FOXO3: variants seen among roughly 807,000 people sequenced by gnomAD.
FOXO3 encodes forkhead box O3.
In FOXO3, 4 loss-of-function variants were observed where a neutral mutation model predicts 41.9. The ratio of observed to expected loss-of-function variants is 0.10; its 90% CI spans 0.05 to 0.22. FOXO3 has a LOEUF of 0.22. Ranked by LOEUF, FOXO3 falls within the 10% of genes least tolerant of loss-of-function variation. The pLI, the probability that FOXO3 is intolerant of heterozygous loss-of-function variation, is 1.00. For missense variants in FOXO3, 534 were observed against 906.8 expected (o/e 0.59, Z 5.28); for synonymous variants, 318 against 389.3 (o/e 0.82, Z 2.16).
chr6:108,683,924 G>A lies in FOXO3; in HGVS notation c.*4132G>A, dbSNP rs538378999. 5.9e-5 allele frequency: 9 copies of A among 152,716 alleles called. No individual in the cohort carries two copies. In the South Asian group the frequency reaches 1.7e-3, roughly 28 times the overall value. 9.5% of individuals were successfully genotyped at this position (152,716 alleles called of 1,614,324 possible). On this transcript the variant is annotated 3_prime_UTR_variant, in exon 3 of 3. Transcript: ENST00000406360. ...GTACTACTAGAGGAAGTGAAGTTCTGATGGAATCATGCCTGTCAAATGAGG... is the reference window on the plus strand; with the variant it reads ...GTACTACTAGAGGAAGTGAAGTTCTAATGGAATCATGCCTGTCAAATGAGG...
chr6:108,668,802 T>C (rs1366291593), intron 2 of FOXO3, among the ~76,000 whole-genome samples: 2 of 152,198 alleles, frequency 1.3e-5, no homozygotes, highest in African/African-American at 4.8e-5. Flanking sequence ...GACAGCCTCA[T>C]CAAGTTTTAA....
chr6:108,666,828 C>T (rs910387659), intron 2 of FOXO3, among the ~76,000 whole-genome samples: 8 of 152,160 alleles, frequency 5.3e-5, no homozygotes, highest in Admixed American at 5.2e-4. Context: ...GATCTTCTAC[C>T]AACAGGTTTG....
chr6:108,560,839 T>G, upstream of FOXO3: 14 of 524,034 alleles, frequency 2.7e-5, no homozygotes, highest in South Asian at 7.5e-5. Flanking sequence ...GACCTGCGGC[T>G]GGGCGGCGGG....
intron 1 of FOXO3, among the ~76,000 whole-genome samples, chr6:108,610,850 A>G (rs762100361): frequency 9.2e-5 from 14 of 152,214 alleles, no homozygotes; most frequent in Non-Finnish European, 1.9e-4. Flanking sequence ...TACCTGTGGA[A>G]AACAATCGTA....
intron 1 of FOXO3, among the ~76,000 whole-genome samples, chr6:108,565,339 A>G (rs1775923022): frequency 6.6e-6 from 1 of 152,228 alleles, no homozygotes; most frequent in Admixed American, 6.5e-5. Context: ...CTCGGGCATT[A>G]AAGTAGAAAT....
intron 1 of FOXO3, among the ~76,000 whole-genome samples, chr6:108,562,782 G>A (rs972973231): frequency 4.6e-5 from 7 of 152,172 alleles, no homozygotes; most frequent in Admixed American, 1.3e-4. Flanking sequence ...GTGTGGAAAG[G>A]CCTATGATGT....
At chr6:108,580,403 A>G (rs1476821700) in intron 1 of FOXO3, among the ~76,000 whole-genome samples, 2 of 151,990 alleles carry the variant, frequency 1.3e-5, no homozygotes, top group Non-Finnish European at 2.9e-5. Flanking sequence ...GTGTTTACAC[A>G]TTTCAAACTC....
intron 1 of FOXO3, among the ~76,000 whole-genome samples, chr6:108,577,362 A>G (rs1776290457): frequency 6.6e-6 from 1 of 152,166 alleles, no homozygotes; most frequent in Admixed American, 6.5e-5. Context: ...TCAGCTTTAC[A>G]GAATCTAACA....
chr6:108,634,526 A>G (rs1194976643), intron 1 of FOXO3, among the ~76,000 whole-genome samples: 1 of 152,086 alleles, frequency 6.6e-6, no homozygotes, highest in East Asian at 1.9e-4. Context: ...TTTGAGCCAT[A>G]ATATCTAGGG....
intron 1 of FOXO3, among the ~76,000 whole-genome samples, chr6:108,655,716 G>T (rs1414847319): frequency 1.3e-5 from 2 of 152,060 alleles, no homozygotes; most frequent in African/African-American, 4.8e-5. Context: ...ATTATACACC[G>T]AAGGCGCCCA....
At chr6:108,565,319 G>A (rs145800061) in intron 1 of FOXO3, among the ~76,000 whole-genome samples, 65 of 152,304 alleles carry the variant, frequency 4.3e-4, no homozygotes, top group African/African-American at 1.5e-3. Flanking sequence ...TATCTCACAG[G>A]TTCCCTTACC....
chr6:108,642,711 G>A (rs1778292370), intron 1 of FOXO3, among the ~76,000 whole-genome samples: 1 of 152,140 alleles, frequency 6.6e-6, no homozygotes, highest in Non-Finnish European at 1.5e-5. Flanking sequence ...AACGACAGGA[G>A]ATTTTGAAAA....
chr6:108,607,447 CAAAAA>C (rs36097684), intron 1 of FOXO3, among the ~76,000 whole-genome samples: 1 of 87,230 alleles, frequency 1.1e-5, no homozygotes. Context: ...GAGACTATCT[CAAAAA>C]AAAAAAAAAA....
rs140023913 is a variant in FOXO3 at position 108,636,047 on chromosome 6, C to T, written c.622-27408C>T. Reference sequence around the variant, plus strand: ...CGGGATTAAGCTTGTCACTCCTCAGCTAGGGAAGCAAGCCCTCCATCTGGG... The same window carrying T: ...CGGGATTAAGCTTGTCACTCCTCAGTTAGGGAAGCAAGCCCTCCATCTGGG... On this transcript the variant is annotated intron_variant, in intron 1 of 2. Coordinates refer to ENST00000406360, the MANE Select transcript of FOXO3 (RefSeq NM_001455.4). 8.7e-4 allele frequency among the ~76,000 whole-genome samples: 132 copies of T among 152,354 alleles called. 1 individual carries two copies. The South Asian group carries it at 8.7e-3, about 10-fold the overall frequency.
In FOXO3 at chr6:108,680,128, G is replaced by A. The variant is rs1211078343; in HGVS notation, c.*336G>A. On this transcript the variant is annotated 3_prime_UTR_variant, in exon 3 of 3. Coordinates refer to ENST00000406360, the MANE Select transcript of FOXO3 (RefSeq NM_001455.4). Reference sequence around the variant, plus strand: ...ACCGTGAGCCCCCGTCGGCCATTCTGTGGTGTTTTAATATTGCGATGGTTT... The same window carrying A: ...ACCGTGAGCCCCCGTCGGCCATTCTATGGTGTTTTAATATTGCGATGGTTT... 6 of 152,632 alleles carry A rather than the reference G, an allele frequency of 3.9e-5. No individual in the cohort carries two copies. The highest frequency in any genetic ancestry group is 8.8e-5 in the Non-Finnish European group (6 of 68,048). 9.5% of individuals were successfully genotyped at this position (152,632 alleles called of 1,614,324 possible). A position where few individuals can be genotyped will look rare whatever the true frequency, so the allele number is the denominator to read the frequency against.
intron 1 of FOXO3, among the ~76,000 whole-genome samples, chr6:108,629,114 C>T (rs2128375323): frequency 6.6e-6 from 1 of 152,216 alleles, no homozygotes; most frequent in South Asian, 2.1e-4. Context: ...ATATTAAGTG[C>T]TTAGCATAGT....
intron 1 of FOXO3, among the ~76,000 whole-genome samples, chr6:108,586,275 G>A (rs1030040904): frequency 3.3e-5 from 5 of 152,194 alleles, no homozygotes; most frequent in African/African-American, 1.2e-4. Context: ...CATAAGATTA[G>A]CTTCCAAACT....
chr6:108,630,891 C>T (rs1300278650), intron 1 of FOXO3, among the ~76,000 whole-genome samples: 5 of 152,146 alleles, frequency 3.3e-5, no homozygotes, highest in Admixed American at 3.3e-4. Flanking sequence ...CCAGTCATTA[C>T]CGAAAGGCTA....
chr6:108,668,421 A>G (rs983134427), intron 2 of FOXO3, among the ~76,000 whole-genome samples: 11 of 152,184 alleles, frequency 7.2e-5, no homozygotes, highest in Admixed American at 6.5e-4. Context: ...TCAGGTGTTC[A>G]TAAAGCTTGG....
Sources: gnomAD v4.1 joint callset for allele counts (sites outside exome capture counted in the v4.1 genomes callset) on GRCh38, gnomAD v4.1.1 for gene constraint, MANE v1.5 for transcripts, NCBI Gene and HGNC (gene_info 2026-07-23, HGNC 2026-07-21) for gene names.